Variants in FRMD4B observed in about 807,000 individuals in gnomAD.
The protein encoded by FRMD4B is FERM domain containing 4B, also known as FERM domain-containing protein 4B.
A neutral mutation model predicts 141.5 loss-of-function variants in FRMD4B; 74 were observed. The ratio of observed to expected loss-of-function variants is 0.52; its 90% CI spans 0.43 to 0.63. FRMD4B has a LOEUF of 0.63. FRMD4B is among the 30% of genes least tolerant of loss of function. FRMD4B has a pLI of 0.00. For missense variants in FRMD4B, 1,366 were observed against 1,253.4 expected, an observed-to-expected ratio of 1.09 and a Z score of -1.36; for synonymous variants, 506 against 467.9, an observed-to-expected ratio of 1.08 and a Z score of -1.05.
At chr3:69,440,613 T>A (rs1376703961) in intron 1 of FRMD4B, among the ~76,000 whole-genome samples, 1 of 152,204 alleles carries the variant, frequency 6.6e-6, no homozygotes, top group Non-Finnish European at 1.5e-5. Context: ...GAGATCAGCC[T>A]GGCCAACGTG....
intron 1 of FRMD4B, among the ~76,000 whole-genome samples, chr3:69,537,042 C>G (rs1309278375): frequency 6.6e-6 from 1 of 152,186 alleles, no homozygotes; most frequent in Non-Finnish European, 1.5e-5. Flanking sequence ...GCCACTGCAC[C>G]CCACCAGGAA....
chr3:69,536,031 G>T (rs1232550585), intron 1 of FRMD4B: 1 of 403,288 alleles, frequency 2.5e-6, no homozygotes, highest in Non-Finnish European at 4.9e-6. Flanking sequence ...GACCTGCGTG[G>T]CCTTGTCTGG....
intron 11 of FRMD4B, chr3:69,200,992 C>T: frequency 2.8e-6 from 1 of 363,178 alleles, no homozygotes; most frequent in Non-Finnish European, 5.6e-6. Flanking sequence ...CTCCATTCAG[C>T]CTGTCCCTGC....
At chr3:69,461,036 T>G (rs557139242) in intron 1 of FRMD4B, among the ~76,000 whole-genome samples, 1 of 152,314 alleles carries the variant, frequency 6.6e-6, no homozygotes, top group East Asian at 1.9e-4. Context: ...CATCTGAAGT[T>G]TTTGGTCTCT....
At chr3:69,423,994 G>A (rs773434960) in intron 2 of FRMD4B, among the ~76,000 whole-genome samples, 1 of 152,120 alleles carries the variant, frequency 6.6e-6, no homozygotes, top group Non-Finnish European at 1.5e-5. Flanking sequence ...TAAGTGGAAG[G>A]CAGCTGCAAT....
At chr3:69,492,559 T>C (rs1439310648) in intron 1 of FRMD4B, among the ~76,000 whole-genome samples, 1 of 152,198 alleles carries the variant, frequency 6.6e-6, no homozygotes, top group African/African-American at 2.4e-5. Context: ...TATACATTCT[T>C]GGAGGAATTG....
intron 1 of FRMD4B, among the ~76,000 whole-genome samples, chr3:69,455,297 G>C (rs182198931): frequency 6.6e-6 from 1 of 152,206 alleles, no homozygotes; most frequent in African/African-American, 2.4e-5. Context: ...TTTACATAAT[G>C]TGGGAGGTTT....
At chr3:69,521,219 C>A (rs1700848939) in intron 1 of FRMD4B, among the ~76,000 whole-genome samples, 2 of 152,160 alleles carry the variant, frequency 1.3e-5, no homozygotes, top group Non-Finnish European at 2.9e-5. Context: ...TCTGGCCAGG[C>A]CCTACGACTG....
intron 1 of FRMD4B, among the ~76,000 whole-genome samples, chr3:69,321,883 T>C (rs1379066194): frequency 6.6e-6 from 1 of 152,126 alleles, no homozygotes; most frequent in Non-Finnish European, 1.5e-5. Context: ...CCTGGCTAAT[T>C]TTTTGTACAG....
chr3:69,430,418 G>T (rs1705159914), intron 2 of FRMD4B, among the ~76,000 whole-genome samples: 1 of 152,052 alleles, frequency 6.6e-6, no homozygotes, highest in East Asian at 1.9e-4. Context: ...TGCCTACCTG[G>T]GTCTAACTTT....
At chr3:69,333,017 G>A (rs1188166575) in intron 1 of FRMD4B, among the ~76,000 whole-genome samples, 1 of 152,086 alleles carries the variant, frequency 6.6e-6, no homozygotes, top group Non-Finnish European at 1.5e-5. Flanking sequence ...GCCTTTTACA[G>A]TGGGAAGCCT....
chr3:69,465,892 T>C (rs1386713826), intron 1 of FRMD4B, among the ~76,000 whole-genome samples: 1 of 152,234 alleles, frequency 6.6e-6, no homozygotes, highest in African/African-American at 2.4e-5. Context: ...TTTATAATCC[T>C]TTGGGTATAC....
intron 1 of FRMD4B, among the ~76,000 whole-genome samples, chr3:69,494,267 C>A (rs1423994093): frequency 1.3e-5 from 2 of 152,040 alleles, no homozygotes; most frequent in Admixed American, 6.5e-5. Flanking sequence ...CTGGGTGGGT[C>A]CAGGGTCTAG....
intron 9 of FRMD4B, among the ~76,000 whole-genome samples, chr3:69,221,621 C>T (rs894801948): frequency 6.6e-6 from 1 of 152,178 alleles, no homozygotes; most frequent in Admixed American, 6.6e-5. Context: ...CCACCATTCT[C>T]TATTGCCCTA....
Position 69,220,362 on chromosome 3 carries a change from T to C in FRMD4B, c.731+1496A>G, listed in dbSNP as rs117838929. 1.2e-3 allele frequency among the ~76,000 whole-genome samples: 180 copies of C among 152,322 alleles called. 2 individuals carry two copies. The East Asian group carries it at 0.019, about 16-fold the overall frequency. On this transcript the variant is annotated intron_variant, in intron 9 of 22. Transcript: ENST00000398540. The stretch of plus-strand genomic sequence containing the variant: ...GCATTATAATCCTATGGGCCCACCA[T>C]TGTATATGTGTACAGAAATGGTACA...
chr3:69,533,903 TTA>T (rs1701041814), intron 1 of FRMD4B, among the ~76,000 whole-genome samples: 1 of 152,184 alleles, frequency 6.6e-6, no homozygotes. Flanking sequence ...CCTAACATGA[TTA>T]CGCATCTGGG....
Position 69,211,265 on chromosome 3 carries a change from A to G in FRMD4B, c.876+4998T>C, listed in dbSNP as rs187249918. 7.9e-5 allele frequency among the ~76,000 whole-genome samples: 12 copies of G among 152,288 alleles called. 1 individual carries two copies. Among genetic ancestry groups the G allele is most frequent in the Admixed American group, 6.5e-4 (10 of 15,302 alleles). On this transcript the variant is annotated intron_variant, in intron 11 of 22. Coordinates refer to ENST00000398540, the MANE Select transcript of FRMD4B (RefSeq NM_015123.3). ...GTGGCAATACCCTTGTGCAGATGAGAAAACCACTTTTAAAGAGAGATTAAA... is the reference window on the plus strand; with the variant it reads ...GTGGCAATACCCTTGTGCAGATGAGGAAACCACTTTTAAAGAGAGATTAAA...
rs572886147 is a variant in FRMD4B at position 69,360,853 on chromosome 3, G to T, written c.162+24975C>A. On this transcript the variant is annotated intron_variant, in intron 1 of 22. Transcript: ENST00000398540. ...TTTTGTGACATTAGCAGCTGCTAAT[G>T]CTCAACAGCTATATCATTTAATTAA... Among the ~76,000 whole-genome samples the T allele has an allele frequency of 2.0e-5, 3 of 152,234 alleles. No homozygotes were observed. In the East Asian group the frequency reaches 5.8e-4, roughly 29 times the overall value.
At chr3:69,400,410 G>A (rs1024684472) in intron 2 of FRMD4B, among the ~76,000 whole-genome samples, 9 of 151,854 alleles carry the variant, frequency 5.9e-5, no homozygotes, top group Non-Finnish European at 8.8e-5. Flanking sequence ...GTACCATTTA[G>A]AAGAAAATTT....
Sources: gnomAD v4.1 joint callset for allele counts (sites outside exome capture counted in the v4.1 genomes callset) on GRCh38, gnomAD v4.1.1 for gene constraint, MANE v1.5 for transcripts, NCBI Gene and HGNC (gene_info 2026-07-23, HGNC 2026-07-21) for gene names.